The following FGF12 variants were observed in gnomAD, a reference collection of about 807,000 sequenced individuals.
The protein encoded by FGF12 is fibroblast growth factor 12B.
Under a neutral mutation model 23.6 loss-of-function variants are expected in FGF12, and 14 were observed. The ratio of observed to expected loss-of-function variants is 0.59; its 90% confidence interval spans 0.39 to 0.93. The LOEUF is 0.93. Among genes scored for constraint, FGF12 ranks in the 40% least tolerant of loss-of-function variants. FGF12 has a pLI of 0.00. For missense variants in FGF12, 175 were observed against 217.8 expected (o/e 0.80, Z 1.24); for synonymous variants, 62 against 77.3 (o/e 0.80, Z 1.04).
chr3:192,155,121 C>T (rs1385151774), intron 5 of FGF12, among the ~76,000 whole-genome samples: 1 of 147,208 alleles, frequency 6.8e-6, no homozygotes, highest in African/African-American at 2.5e-5. Flanking sequence ...AAAGGGAACT[C>T]CCTGCCCCCT....
chr3:192,183,676 T>G (rs896122618), intron 4 of FGF12, among the ~76,000 whole-genome samples: 5 of 152,326 alleles, frequency 3.3e-5, no homozygotes, highest in African/African-American at 1.2e-4. Context: ...AGAAAGTTCA[T>G]AAGCTCTGTC....
chr3:192,593,581 A>T (rs749602754), intron 2 of FGF12, among the ~76,000 whole-genome samples: 1 of 152,004 alleles, frequency 6.6e-6, no homozygotes, highest in South Asian at 2.1e-4. Flanking sequence ...GAATGAATGA[A>T]CAAACTCTAA....
chr3:192,296,766 GATA>G (rs1715065705), intron 4 of FGF12, among the ~76,000 whole-genome samples: 1 of 152,006 alleles, frequency 6.6e-6, no homozygotes, highest in African/African-American at 2.4e-5. Flanking sequence ...CTGCAAATTT[GATA>G]ATATCAAATT....
Position 192,429,050 on chromosome 3 carries a change from C to T in FGF12, c.14-68512G>A, listed in dbSNP as rs564786566. Among the ~76,000 whole-genome samples the T allele has an allele frequency of 9.9e-5, 15 of 152,082 alleles. No individual in the cohort carries two copies. The East Asian group carries it at 2.9e-3, about 29-fold the overall frequency. On this transcript the variant is annotated intron_variant, in intron 2 of 5. Coordinates refer to ENST00000445105, the MANE Select transcript of FGF12 (RefSeq NM_004113.6). ...AATTAGATCATGAATTTATTTTGGG[C>T]AAAAACTATGTTTACCCTACTCACC... is the stretch of plus-strand genomic sequence containing the variant.
At chr3:192,708,743 T>C (rs1453691126) in intron 2 of FGF12, among the ~76,000 whole-genome samples, 2 of 152,170 alleles carry the variant, frequency 1.3e-5, no homozygotes, top group African/African-American at 2.4e-5. Context: ...GAAGGACTTC[T>C]TACCAGAAGA....
intron 4 of FGF12, among the ~76,000 whole-genome samples, chr3:192,185,075 G>A (rs1359019360): frequency 1.3e-5 from 2 of 152,184 alleles, no homozygotes; most frequent in South Asian, 2.1e-4. Flanking sequence ...AATCTCTCCT[G>A]GTCTTAAAGA....
chr3:192,203,820 T>C (rs1717505535), intron 4 of FGF12, among the ~76,000 whole-genome samples: 1 of 152,118 alleles, frequency 6.6e-6, no homozygotes, highest in Non-Finnish European at 1.5e-5. Context: ...CCCAGGCTGG[T>C]CTTGAACTTT....
At chr3:192,267,014 T>A (rs1475621802) in intron 4 of FGF12, 1 of 152,204 alleles carries the variant, frequency 6.6e-6, no homozygotes, top group Non-Finnish European at 1.5e-5. Context: ...AACTGATGCC[T>A]TGAGGAATCA....
At chr3:192,376,909 T>C (rs1472889666) in intron 2 of FGF12, among the ~76,000 whole-genome samples, 2 of 152,238 alleles carry the variant, frequency 1.3e-5, no homozygotes, top group Admixed American at 6.5e-5. Context: ...CAGAGAAAGT[T>C]GTTTTGTGTT....
chr3:192,229,877 T>C (rs1718932133), intron 4 of FGF12, among the ~76,000 whole-genome samples: 1 of 152,170 alleles, frequency 6.6e-6, no homozygotes, highest in African/African-American at 2.4e-5. Flanking sequence ...AATTGTCACA[T>C]TCACTTTAGT....
intron 2 of FGF12, among the ~76,000 whole-genome samples, chr3:192,410,009 G>A (rs1387047294): frequency 1.3e-5 from 2 of 152,048 alleles, no homozygotes; most frequent in African/African-American, 2.4e-5. Context: ...CGCCCCTCCG[G>A]CTGGCTCAGC....
At chr3:192,478,513 A>G (rs981840292) in intron 2 of FGF12, among the ~76,000 whole-genome samples, 9 of 152,180 alleles carry the variant, frequency 5.9e-5, no homozygotes, top group Non-Finnish European at 1.2e-4. Context: ...AGAATTATAC[A>G]AATGTATAAT....
chr3:192,249,649 T>C (rs1321652516), intron 4 of FGF12, among the ~76,000 whole-genome samples: 1 of 152,132 alleles, frequency 6.6e-6, no homozygotes, highest in Non-Finnish European at 1.5e-5. Flanking sequence ...TGTAAAGGCA[T>C]TATTTGCCCT....
intron 2 of FGF12, among the ~76,000 whole-genome samples, chr3:192,612,595 A>G (rs1384051516): frequency 1.3e-5 from 2 of 151,970 alleles, no homozygotes; most frequent in Non-Finnish European, 2.9e-5. Context: ...AATGGTCACC[A>G]TAAAGTAAGA....
At chr3:192,167,511 CCAGCTAGGATAGCT>C (rs2108613227) in intron 5 of FGF12, among the ~76,000 whole-genome samples, 1 of 151,742 alleles carries the variant, frequency 6.6e-6, no homozygotes, top group Admixed American at 6.6e-5. Flanking sequence ...AAGCACAGTA[CCAGCTAGGATAGCT>C]GGTCTCTAGA....
intron 4 of FGF12, among the ~76,000 whole-genome samples, chr3:192,195,244 C>T (rs960414564): frequency 1.3e-5 from 2 of 152,106 alleles, no homozygotes; most frequent in African/African-American, 2.4e-5. Flanking sequence ...CAACTAAAGT[C>T]GTTACCATTT....
intron 2 of FGF12, among the ~76,000 whole-genome samples, chr3:192,627,003 A>G (rs1306416113): frequency 6.6e-6 from 1 of 152,236 alleles, no homozygotes; most frequent in Admixed American, 6.5e-5. Flanking sequence ...ACGTATTACT[A>G]CTAACCAAAT....
chr3:192,466,097 C>T (rs1466954767), intron 2 of FGF12, among the ~76,000 whole-genome samples: 2 of 152,206 alleles, frequency 1.3e-5, no homozygotes, highest in African/African-American at 4.8e-5. Context: ...TGTGGCATAG[C>T]CTACTGCTTC....
chr3:192,157,712 T>TAA (rs1392021520), intron 5 of FGF12, among the ~76,000 whole-genome samples: 1 of 152,158 alleles, frequency 6.6e-6, no homozygotes, highest in Admixed American at 6.5e-5. Flanking sequence ...AAGACTTTCT[T>TAA]AAAAGTATGA....
Sources: allele counts gnomAD v4.1 joint callset (sites outside exome capture counted in the v4.1 genomes callset), GRCh38; gene constraint gnomAD v4.1.1; transcripts MANE v1.5; gene names NCBI Gene and HGNC (gene_info 2026-07-23, HGNC 2026-07-21).